Variants in PTPRN2 observed in about 807,000 individuals in gnomAD.
PTPRN2 encodes the protein protein tyrosine phosphatase receptor type N2.
Under a neutral mutation model 118.8 loss-of-function variants are expected in PTPRN2, and 74 were observed. The observed-to-expected ratio is 0.62, with a 90% CI of 0.52 to 0.76. PTPRN2 has a LOEUF of 0.76. Among genes scored for constraint, PTPRN2 ranks in the 30% least tolerant of loss-of-function variants. PTPRN2 has a pLI of 0.00. For missense variants in PTPRN2, 1,481 were observed against 1,394.4 expected, an observed-to-expected ratio of 1.06 and a Z score of -0.99; for synonymous variants, 641 against 608.0, an observed-to-expected ratio of 1.05 and a Z score of -0.80.
At chr7:158,356,389 C>G (rs1808385458) in intron 2 of PTPRN2, among the ~76,000 whole-genome samples, 1 of 152,222 alleles carries the variant, frequency 6.6e-6, no homozygotes. Context: ...ACTCTGTTGA[C>G]CTTGTGGGAA....
chr7:158,433,669 C>T (rs1269049441), intron 2 of PTPRN2, among the ~76,000 whole-genome samples: 6 of 152,130 alleles, frequency 3.9e-5, no homozygotes, highest in Non-Finnish European at 1.5e-5. Context: ...TGTTCATTCT[C>T]TCTACCGTAC....
intron 14 of PTPRN2, 21 bp downstream of exon 14, chr7:157,656,336 G>A: frequency 6.5e-7 from 1 of 1,535,328 alleles, no homozygotes. Context: ...GTGTGGCAGG[G>A]AGTGCAAAGA....
At chr7:158,001,700 TGA>T (rs1190461216) in intron 11 of PTPRN2, among the ~76,000 whole-genome samples, 1 of 152,218 alleles carries the variant, frequency 6.6e-6, no homozygotes, top group Non-Finnish European at 1.5e-5. Context: ...CAATCCGTGC[TGA>T]GAGCCCGGCA....
At chr7:158,165,865 G>A (rs1354756264) in intron 6 of PTPRN2, among the ~76,000 whole-genome samples, 9 of 152,132 alleles carry the variant, frequency 5.9e-5, no homozygotes, top group African/African-American at 1.4e-4. Flanking sequence ...CTCAGGTAGC[G>A]ACACCGGAAG....
chr7:157,931,929 T>C (rs1308765026), intron 11 of PTPRN2, among the ~76,000 whole-genome samples: 1 of 151,960 alleles, frequency 6.6e-6, no homozygotes, highest in Non-Finnish European at 1.5e-5. Flanking sequence ...TTGCTTCCCC[T>C]CCCCCCTTTA....
chr7:158,010,549 C>G (rs970690225), intron 11 of PTPRN2, among the ~76,000 whole-genome samples: 1 of 152,148 alleles, frequency 6.6e-6, no homozygotes, highest in Admixed American at 6.5e-5. Context: ...TTTAGGCTAA[C>G]AGGCAATGAA....
chr7:158,465,559 C>T (rs898214782), intron 2 of PTPRN2, among the ~76,000 whole-genome samples: 1 of 152,168 alleles, frequency 6.6e-6, no homozygotes, highest in Non-Finnish European at 1.5e-5. Context: ...CACATTAAAT[C>T]TTACTACAAA....
chr7:157,914,249 G>T (rs1020066120), intron 11 of PTPRN2, among the ~76,000 whole-genome samples: 1 of 152,142 alleles, frequency 6.6e-6, no homozygotes, highest in African/African-American at 2.4e-5. Flanking sequence ...CAAACAGAGA[G>T]ATTCTCTGTC....
At chr7:158,421,323 G>A (rs1435126209) in intron 2 of PTPRN2, among the ~76,000 whole-genome samples, 3 of 152,238 alleles carry the variant, frequency 2.0e-5, no homozygotes, top group African/African-American at 7.2e-5. Context: ...ATGTAAGGCT[G>A]AGTTTGTTTC....
At position 158,141,922 on chromosome 7, in the gene PTPRN2, T is replaced by C. The variant is rs184357026; in HGVS notation, c.911-3407A>G. Among the ~76,000 whole-genome samples the C allele has an allele frequency of 1.2e-3, 178 of 152,366 alleles. 5 individuals are homozygous for C. The East Asian group carries it at 0.028, about 24-fold the overall frequency. On this transcript the variant is annotated intron_variant, in intron 6 of 22. Coordinates refer to ENST00000389418, the MANE Select transcript of PTPRN2 (RefSeq NM_002847.5). ...AAATGTGTGACGGACACGGGCGTTCTGATCGGAGCGTGCTGGGCGTTCACT... is the reference window on the plus strand; with the variant it reads ...AAATGTGTGACGGACACGGGCGTTCCGATCGGAGCGTGCTGGGCGTTCACT...
At chr7:157,577,894 C>T in intron 18 of PTPRN2, 127 bp downstream of exon 18, 2 of 1,259,830 alleles carry the variant, frequency 1.6e-6, no homozygotes, top group Non-Finnish European at 2.1e-6. Flanking sequence ...ATCCCCTGAA[C>T]ATGGGGTGCG....
At chr7:157,737,383 T>C (rs1800361160) in intron 12 of PTPRN2, among the ~76,000 whole-genome samples, 2 of 152,244 alleles carry the variant, frequency 1.3e-5, no homozygotes, top group Admixed American at 1.3e-4. Context: ...TCTGGGAGTC[T>C]GAGTGCGCTG....
At chr7:158,326,773 T>G (rs1803585737) in intron 2 of PTPRN2, among the ~76,000 whole-genome samples, 1 of 119,350 alleles carries the variant, frequency 8.4e-6, no homozygotes, top group African/African-American at 2.8e-5. Context: ...TCACACATGC[T>G]CACACACTCA....
chr7:157,626,160 G>T (rs1803557051), intron 14 of PTPRN2, among the ~76,000 whole-genome samples: 1 of 152,260 alleles, frequency 6.6e-6, no homozygotes, highest in East Asian at 1.9e-4. Flanking sequence ...TGCCCTGTGG[G>T]TTTTCTCCTG....
rs1158153680 is a variant in PTPRN2, at chr7:158,290,894, C to A, written c.277+25925G>T. ...AGCAATGGAGAGTCCTCTCCTGCTG[C>A]CTTGCTGATGTCCATCTCTGACGAA... On this transcript the variant is annotated intron_variant, in intron 3 of 22. Coordinates refer to ENST00000389418, the MANE Select transcript of PTPRN2 (RefSeq NM_002847.5). Among the ~76,000 whole-genome samples the A allele has an allele frequency of 2.0e-5, 3 of 152,170 alleles. No individual in the cohort carries two copies. The East Asian group carries it at 5.8e-4, about 29-fold the overall frequency.
chr7:157,727,842 AG>A (rs938407038), intron 12 of PTPRN2, among the ~76,000 whole-genome samples: 3 of 152,138 alleles, frequency 2.0e-5, no homozygotes, highest in African/African-American at 7.2e-5. Context: ...CTGAAGCTGC[AG>A]CAGCCCCTGC....
chr7:158,123,413 A>C (rs1183747401), intron 9 of PTPRN2, among the ~76,000 whole-genome samples: 2 of 152,150 alleles, frequency 1.3e-5, no homozygotes, highest in Non-Finnish European at 2.9e-5. Context: ...CGCCGCAGTG[A>C]CCGACACCAT....
At chr7:158,034,890 C>G (rs1807987331) in intron 11 of PTPRN2, among the ~76,000 whole-genome samples, 1 of 152,238 alleles carries the variant, frequency 6.6e-6, no homozygotes, top group South Asian at 2.1e-4. Context: ...GCAGACTCTA[C>G]TTTTGTGGGG....
chr7:157,901,603 T>G (rs898346826), intron 11 of PTPRN2, among the ~76,000 whole-genome samples: 1 of 152,248 alleles, frequency 6.6e-6, no homozygotes, highest in Non-Finnish European at 1.5e-5. Flanking sequence ...CTGTACTGAA[T>G]AATGGGCTCA....
Sources: gnomAD v4.1 joint callset for allele counts (sites outside exome capture counted in the v4.1 genomes callset) on GRCh38, gnomAD v4.1.1 for gene constraint, MANE v1.5 for transcripts, NCBI Gene and HGNC (gene_info 2026-07-23, HGNC 2026-07-21) for gene names.